Variants in TENM2 observed in about 807,000 individuals in gnomAD.
TENM2 encodes teneurin transmembrane protein 2.
Under a neutral mutation model 245.2 loss-of-function variants are expected in TENM2, and 52 were observed. That is an observed-to-expected ratio of 0.21 (90% CI 0.17 to 0.27). The LOEUF (loss-of-function observed/expected upper bound fraction) is 0.27. Ranked by LOEUF, TENM2 falls within the 10% of genes least tolerant of loss-of-function variation. The probability of loss-of-function intolerance (pLI) is 1.00; values close to 1 mark genes in which losing one functional copy is unlikely to be tolerated. For synonymous variants in TENM2, 1,363 were observed against 1,438.9 expected (o/e 0.95, Z 1.19); for missense variants, 3,046 against 3,666.8 (o/e 0.83, Z 4.37).
At chr5:167,163,194 C>T in the TENM2 span, among the ~76,000 whole-genome samples, 2 of 152,190 alleles carry the variant, frequency 1.3e-5, no homozygotes, top group African/African-American at 2.4e-5. Flanking sequence ...CCTCAAACTC[C>T]TGGGCTCCAT....
At chr5:167,912,892 T>C (rs1776656710) in intron 3 of TENM2, among the ~76,000 whole-genome samples, 2 of 152,132 alleles carry the variant, frequency 1.3e-5, no homozygotes, top group Non-Finnish European at 2.9e-5. Flanking sequence ...ATATTCCTTG[T>C]GCCAGCCACT....
chr5:167,102,180 T>A, the TENM2 span, among the ~76,000 whole-genome samples: 20 of 151,158 alleles, frequency 1.3e-4, no homozygotes, highest in Non-Finnish European at 2.7e-4. Context: ...GAGCTGAGAT[T>A]GTGCCACTAC....
At chr5:167,556,612 A>G (rs899651129) in intron 2 of TENM2, among the ~76,000 whole-genome samples, 8 of 152,086 alleles carry the variant, frequency 5.3e-5, no homozygotes, top group Non-Finnish European at 1.0e-4. Context: ...TTTTGTTGCT[A>G]GGTAGAAAGA....
chr5:167,858,805 CG>C (rs1473218912), intron 2 of TENM2, among the ~76,000 whole-genome samples: 1 of 149,234 alleles, frequency 6.7e-6, no homozygotes, highest in Non-Finnish European at 1.5e-5. Flanking sequence ...GCCGCCGCGC[CG>C]GCGAGCGCCG....
At chr5:167,908,986 C>G (rs1344573090) in intron 3 of TENM2, among the ~76,000 whole-genome samples, 1 of 151,366 alleles carries the variant, frequency 6.6e-6, no homozygotes, top group Non-Finnish European at 1.5e-5. Flanking sequence ...TTATGCATGA[C>G]TTAAATAATA....
chr5:167,970,218 G>T (rs2151918449), intron 4 of TENM2, among the ~76,000 whole-genome samples: 1 of 152,298 alleles, frequency 6.6e-6, no homozygotes, highest in Non-Finnish European at 1.5e-5. Context: ...ACTAACTTCT[G>T]CCCCCTTCTG....
intron 10 of TENM2, among the ~76,000 whole-genome samples, chr5:168,121,391 C>T (rs1795457978): frequency 6.6e-6 from 1 of 152,116 alleles, no homozygotes; most frequent in South Asian, 2.1e-4. Flanking sequence ...AAATCGGAAC[C>T]AAATTTAAAA....
intron 2 of TENM2, among the ~76,000 whole-genome samples, chr5:167,421,050 A>G (rs1763474837): frequency 6.6e-6 from 1 of 152,210 alleles, no homozygotes. Context: ...GCACCAGCAT[A>G]GTAAGAATTG....
chr5:167,087,199 C>T, the TENM2 span, among the ~76,000 whole-genome samples: 6 of 152,172 alleles, frequency 3.9e-5, no homozygotes, highest in East Asian at 1.9e-4. Flanking sequence ...AACATACAAA[C>T]CTCATGCCTC....
intron 2 of TENM2, among the ~76,000 whole-genome samples, chr5:167,630,809 A>T (rs960713841): frequency 1.3e-5 from 2 of 152,228 alleles, no homozygotes; most frequent in Non-Finnish European, 2.9e-5. Flanking sequence ...AGATACTTGG[A>T]GCTATATCTG....
intron 5 of TENM2, among the ~76,000 whole-genome samples, chr5:168,006,308 C>G (rs1784812885): frequency 6.6e-6 from 1 of 152,142 alleles, no homozygotes; most frequent in Non-Finnish European, 1.5e-5. Context: ...ACATCGCTAC[C>G]CTGAACCACA....
At chr5:167,759,602 G>A (rs1314606478) in intron 2 of TENM2, among the ~76,000 whole-genome samples, 1 of 152,138 alleles carries the variant, frequency 6.6e-6, no homozygotes, top group African/African-American at 2.4e-5. Flanking sequence ...GAGGAGAGAT[G>A]GGAAAGGAAT....
intron 2 of TENM2, among the ~76,000 whole-genome samples, chr5:167,824,108 T>C (rs141255318): frequency 1.3e-5 from 2 of 152,326 alleles, no homozygotes; most frequent in Non-Finnish European, 2.9e-5. Context: ...AGGCATCGCC[T>C]GCTGCCTTTG....
At chr5:167,352,865 C>T in intron 1 of TENM2, among the ~76,000 whole-genome samples, 1 of 152,272 alleles carries the variant, frequency 6.6e-6, no homozygotes, top group South Asian at 2.1e-4. Flanking sequence ...AGTAAGCTGT[C>T]TATCACCAAG....
intron 2 of TENM2, among the ~76,000 whole-genome samples, chr5:167,699,749 C>T (rs1329380348): frequency 6.6e-6 from 1 of 152,196 alleles, no homozygotes; most frequent in Non-Finnish European, 1.5e-5. Context: ...CACTTAGTAA[C>T]AATGCAGCAA....
the TENM2 span, among the ~76,000 whole-genome samples, chr5:167,262,201 A>G: frequency 6.6e-6 from 1 of 152,160 alleles, no homozygotes; most frequent in Non-Finnish European, 1.5e-5. Context: ...TCTACTAAAA[A>G]TACAAAATTA....
At chr5:167,501,616 C>A (rs1210473499) in intron 2 of TENM2, among the ~76,000 whole-genome samples, 1 of 152,144 alleles carries the variant, frequency 6.6e-6, no homozygotes, top group African/African-American at 2.4e-5. Context: ...CAAACTCTGC[C>A]ACTTTTCACA....
At chr5:167,545,516 C>T (rs141191251) in intron 2 of TENM2, among the ~76,000 whole-genome samples, 92 of 152,260 alleles carry the variant, frequency 6.0e-4, no homozygotes, top group African/African-American at 1.9e-3. Context: ...TTAATTGTCA[C>T]GGCTCCCAAA....
At chr5:167,988,991 G>A (rs951107808) in intron 4 of TENM2, among the ~76,000 whole-genome samples, 1 of 152,090 alleles carries the variant, frequency 6.6e-6, no homozygotes, top group Non-Finnish European at 1.5e-5. Context: ...TTACCGTGTT[G>A]CTCTCATGTT....
Sources: allele counts gnomAD v4.1 joint callset (sites outside exome capture counted in the v4.1 genomes callset), GRCh38; gene constraint gnomAD v4.1.1; transcripts MANE v1.5; gene names NCBI Gene and HGNC (gene_info 2026-07-23, HGNC 2026-07-21).